The following CLIC6 variants were observed in gnomAD, a reference collection of about 807,000 sequenced individuals.
CLIC6 encodes CLIC family member 6.
Under a neutral mutation model 49.2 loss-of-function variants are expected in CLIC6, and 39 were observed. The ratio of observed to expected loss-of-function variants is 0.79; its 90% CI spans 0.61 to 1.04. The LOEUF is 1.04. CLIC6 is among the 50% of genes least tolerant of loss of function. The pLI, the probability that CLIC6 is intolerant of heterozygous loss-of-function variation, is 0.00. For synonymous variants in CLIC6, 446 were observed against 433.4 expected (o/e 1.03, Z -0.36); for missense variants, 988 against 993.1 (o/e 0.99, Z 0.07).
intron 1 of CLIC6, among the ~76,000 whole-genome samples, chr21:34,686,835 C>T (rs1989890273): frequency 6.6e-6 from 1 of 152,086 alleles, no homozygotes; most frequent in Non-Finnish European, 1.5e-5. Context: ...CTGTCTTGGC[C>T]CCCTCAGACC....
Position 34,685,801 on chromosome 21 carries a change from G to A in CLIC6, c.1374+15039G>A, listed in dbSNP as rs76118925. On this transcript the variant is annotated intron_variant, in intron 1 of 5. Transcript: ENST00000349499. ...AACAGCAATAAAGCAAGAATGTTCT[G>A]TCACTCTCCAGGTATTGAGGCTCTG... 9.6e-3 allele frequency among the ~76,000 whole-genome samples: 1,469 copies of A among 152,272 alleles called. 26 individuals carry two copies. Among genetic ancestry groups the A allele is most frequent in the African/African-American group, 0.033 (1,384 of 41,530 alleles).
At chr21:34,706,899 G>A (rs772036174) in intron 1 of CLIC6, among the ~76,000 whole-genome samples, 11 of 152,174 alleles carry the variant, frequency 7.2e-5, no homozygotes, top group Admixed American at 4.6e-4. Flanking sequence ...GGAGAGGATC[G>A]AGAGATAGAG....
Position 34,709,480 on chromosome 21 carries a change from A to G in CLIC6, c.1841A>G (p.Asp614Gly), listed in dbSNP as rs3171439. The change falls in exon 5 of 6, where the codon GAT becomes GGT. Residue 614 changes from aspartate to glycine, a missense_variant. Around this residue, in one of 3 missense-constraint regions of CLIC6, gnomAD observed 647 missense variants for 596.9 expected, o/e 1.08. Coordinates refer to ENST00000349499, the MANE Select transcript of CLIC6 (RefSeq NM_053277.3). ...DVTVSGRKFL[D>G]GDELTLADCN... ...ACTGTTTCTGGAAGGAAGTTTCTGG[A>G]TGGGGACGAGCTGACGCTGGCTGAC... The G allele has an allele frequency of 1.9e-6, 3 of 1,613,984 alleles. No homozygotes were observed. The highest frequency in any genetic ancestry group is 2.5e-6 in the Non-Finnish European group (3 of 1,179,878).
chr21:34,695,806 T>G (rs1990078185), intron 1 of CLIC6, among the ~76,000 whole-genome samples: 2 of 152,224 alleles, frequency 1.3e-5, no homozygotes, highest in Admixed American at 1.3e-4. Context: ...CTTAAAAAAT[T>G]CCAGACCCAA....
chr21:34,689,343 C>T (rs541246076), intron 1 of CLIC6, among the ~76,000 whole-genome samples: 22 of 152,248 alleles, frequency 1.4e-4, no homozygotes, highest in Middle Eastern at 3.4e-3. Context: ...ATTGGAGAAG[C>T]CCAGGTGAAC....
chr21:34,669,946 G>A lies in CLIC6; in HGVS notation c.558G>A (p.Val186=). ...AGDSVEAEGR[V]GDSVDAEGPA... Reference sequence around the variant, plus strand: ...ACAGCGTAGAGGCGGAGGGCCGGGTGGGGGACAGCGTAGACGCGGAAGGTC... The same window carrying A: ...ACAGCGTAGAGGCGGAGGGCCGGGTAGGGGACAGCGTAGACGCGGAAGGTC... The change falls in exon 1 of 6, where the codon GTG becomes GTA. Residue 186 remains valine, a synonymous_variant. Coordinates refer to ENST00000349499, the MANE Select transcript of CLIC6 (RefSeq NM_053277.3). 2.2e-6 allele frequency: 3 copies of A among 1,381,746 alleles called. No homozygotes were observed. The highest frequency in any genetic ancestry group is 2.8e-6 in the Non-Finnish European group (3 of 1,075,554). 85.6% of individuals were successfully genotyped at this position (1,381,746 alleles called of 1,614,324 possible).
chr21:34,684,675 A>C lies in CLIC6; in HGVS notation c.1374+13913A>C, dbSNP rs1250925441. Among the ~76,000 whole-genome samples the C allele has an allele frequency of 2.0e-5, 3 of 152,266 alleles. No homozygotes were observed. In the East Asian group the frequency reaches 5.8e-4, roughly 29 times the overall value. On this transcript the variant is annotated intron_variant, in intron 1 of 5. Transcript: ENST00000349499. ...TTTACAACTATTAAAGCTCTATGGCACATGAAAGATTATTTCCTTCTTCCT... is the reference window on the plus strand; with the variant it reads ...TTTACAACTATTAAAGCTCTATGGCCCATGAAAGATTATTTCCTTCTTCCT...
intron 1 of CLIC6, among the ~76,000 whole-genome samples, chr21:34,688,740 A>G (rs116633587): frequency 1.0e-3 from 152 of 152,276 alleles, no homozygotes; most frequent in Middle Eastern, 6.8e-3. Flanking sequence ...GGGTCTCATG[A>G]CTGGGATGCA....
At position 34,670,259 on chromosome 21, in the gene CLIC6, C is replaced by G. The variant is rs898605447; in HGVS notation, c.871C>G (p.Arg291Gly). Reference sequence around the variant, plus strand: ...CGAGGGTCCGGCAGGAAGGGCGCGCCGGGTCTCGGGTGAGCCGCAGCAATC... The same window carrying G: ...CGAGGGTCCGGCAGGAAGGGCGCGCGGGGTCTCGGGTGAGCCGCAGCAATC... The part of the protein sequence containing the change: ...DAEGPAGRAR[R>G]VSGEPQQSGD... The change falls in exon 1 of 6, where the codon CGG becomes GGG. Residue 291 changes from arginine (R) to glycine (G), a missense_variant. Physicochemically the swap from Arg to Gly is moderately radical, Grantham distance 125. Around this residue, in one of 3 missense-constraint regions of CLIC6, gnomAD observed 647 missense variants for 596.9 expected, o/e 1.08. Transcript: ENST00000349499. 2 of 1,429,382 alleles carry G rather than the reference C, an allele frequency of 1.4e-6. No homozygotes were observed. Among genetic ancestry groups the G allele is most frequent in the Admixed American group, 2.9e-5 (1 of 34,882 alleles). 88.5% of individuals were successfully genotyped at this position (1,429,382 alleles called of 1,614,324 possible).
Position 34,675,534 on chromosome 21 carries a change from AT to A in CLIC6, c.1374+4781del, listed in dbSNP as rs894360341. Among the ~76,000 whole-genome samples the A allele has an allele frequency of 1.2e-4, 18 of 151,880 alleles. No homozygotes were observed. In the East Asian group the frequency reaches 1.7e-3, roughly 15 times the overall value. ...CTCCCCTAAAAACAAATTTTTTGTA[AT>A]TTTTTTTTATTGTCTTAGAAAACCT... On this transcript the variant is annotated intron_variant, in intron 1 of 5. Transcript: ENST00000349499.
intron 5 of CLIC6, among the ~76,000 whole-genome samples, chr21:34,715,540 C>G (rs1165796442): frequency 6.6e-6 from 1 of 152,166 alleles, no homozygotes; most frequent in Non-Finnish European, 1.5e-5. Context: ...GCCCCCAGAA[C>G]TAGGAATCAG....
chr21:34,670,179 TCCCGGCGGGGGACAGCGTAGAAGCC>T lies in CLIC6; in HGVS notation c.792_816del (p.Pro265LysfsTer67). The T allele has an allele frequency of 1.9e-6, 1 of 524,788 alleles. No individual in the cohort carries two copies. The highest frequency in any genetic ancestry group is 2.3e-6 in the Non-Finnish European group (1 of 440,052). The allele number at this position is 524,788 out of a possible 1,614,324, so 32.5% of individuals were successfully genotyped here. On this transcript the variant is annotated frameshift_variant, in exon 1 of 6. Coordinates refer to ENST00000349499, the MANE Select transcript of CLIC6 (RefSeq NM_053277.3). LOFTEE classifies it high-confidence loss of function. ...GCGGGGGACGGCGTAGAAGCGGGGG[TCCCGGCGGGGGACAGCGTAGAAGCC>T]GAAGGCCCGGCGGGGGACAGCATGG...
Position 34,676,043 on chromosome 21 carries a change from C to T in CLIC6, c.1374+5281C>T, listed in dbSNP as rs576249869. On this transcript the variant is annotated intron_variant, in intron 1 of 5. Transcript: ENST00000349499. The stretch of plus-strand genomic sequence containing the variant: ...TGGCTTCATGAGAGCAATTATGTTT[C>T]TTTACCTTCAGCACGGGTTCCTCCC... 1.4e-3 allele frequency among the ~76,000 whole-genome samples: 218 copies of T among 152,296 alleles called. 1 individual carries two copies. The highest frequency in any genetic ancestry group is 4.8e-3 in the African/African-American group (201 of 41,558).
chr21:34,699,415 CTTTTT>C (rs10604054), intron 1 of CLIC6, among the ~76,000 whole-genome samples: 1 of 134,842 alleles, frequency 7.4e-6, no homozygotes, highest in African/African-American at 2.6e-5. Flanking sequence ...CCATACCTGG[CTTTTT>C]TTTTTTTTTT....
intron 1 of CLIC6, among the ~76,000 whole-genome samples, chr21:34,695,775 G>A (rs1446343486): frequency 6.6e-6 from 1 of 152,158 alleles, no homozygotes; most frequent in Non-Finnish European, 1.5e-5. Context: ...CATAGCCAAG[G>A]CAGACATTGG....
chr21:34,683,823 C>G (rs889685645), intron 1 of CLIC6, among the ~76,000 whole-genome samples: 26 of 152,194 alleles, frequency 1.7e-4, no homozygotes, highest in Non-Finnish European at 2.2e-4. Flanking sequence ...TCAATTAAAC[C>G]TCTTTTCTTT....
Position 34,670,159 on chromosome 21 carries a change from G to T in CLIC6, c.771G>T (p.Gly257=). ...GDSVEAGDPA[G]DGVEAGVPAG... ...GCGTAGAGGCGGGGGACCCGGCGGG[G>T]GACGGCGTAGAAGCGGGGGTCCCGG... Residue 257 remains glycine, a synonymous_variant, in exon 1 of 6, where the codon GGG becomes GGT. Coordinates refer to ENST00000349499, the MANE Select transcript of CLIC6 (RefSeq NM_053277.3). The T allele has an allele frequency of 7.2e-7, 1 of 1,389,674 alleles. No individual in the cohort carries two copies. The highest frequency in any genetic ancestry group is 2.9e-5 in the East Asian group (1 of 34,328). 86.1% of individuals were successfully genotyped at this position (1,389,674 alleles called of 1,614,324 possible). A position where few individuals can be genotyped will look rare whatever the true frequency, so the allele number is the denominator to read the frequency against.
rs77511269 is a variant in CLIC6, at chr21:34,675,208, C to T, written c.1374+4446C>T. ...ACAGTAAAACTCAAGAAGGACATGG[C>T]CTTTGAATAAGCACTGTCACCCAGA... On this transcript the variant is annotated intron_variant, in intron 1 of 5. Coordinates refer to ENST00000349499, the MANE Select transcript of CLIC6 (RefSeq NM_053277.3). Among the ~76,000 whole-genome samples the T allele has an allele frequency of 2.5e-4, 38 of 151,168 alleles. No individual in the cohort carries two copies. The East Asian group carries it at 7.2e-3, about 29-fold the overall frequency.
At chr21:34,692,500 G>A (rs1179768734) in intron 1 of CLIC6, among the ~76,000 whole-genome samples, 1 of 152,178 alleles carries the variant, frequency 6.6e-6, no homozygotes, top group African/African-American at 2.4e-5. Flanking sequence ...GATTTCTGGA[G>A]TCTTTTAAAA....
Sources: gnomAD v4.1 joint callset for allele counts (sites outside exome capture counted in the v4.1 genomes callset) on GRCh38, gnomAD v4.1.1 for gene constraint, gnomAD v4.1.1 regional missense constraint, MANE v1.5 for transcripts, NCBI Gene and HGNC (gene_info 2026-07-23, HGNC 2026-07-21) for gene names.